ATP6V0A1: variants seen among roughly 807,000 people sequenced by gnomAD.
ATP6V0A1 encodes ATPase H+ transporting V0 subunit a1, also known as V-type proton ATPase 116 kDa subunit a 1.
In ATP6V0A1, 43 loss-of-function variants were observed where a neutral mutation model predicts 105.4. That is an observed-to-expected ratio of 0.41 (90% CI 0.32 to 0.53). The LOEUF (loss-of-function observed/expected upper bound fraction) is 0.53, where lower values mean the gene tolerates loss of function less well. Among genes scored for constraint, ATP6V0A1 ranks in the 20% least tolerant of loss-of-function variants. The probability of loss-of-function intolerance (pLI) is 0.30; values close to 1 mark genes in which losing one functional copy is unlikely to be tolerated. For missense variants in ATP6V0A1, 676 were observed against 1,051.1 expected, an observed-to-expected ratio of 0.64 and a Z score of 4.93; for synonymous variants, 362 against 372.8, an observed-to-expected ratio of 0.97 and a Z score of 0.33.
rs66530674 is a variant in ATP6V0A1, at chr17:42,517,304, AC to A, written c.2420+2845del. Among the ~76,000 whole-genome samples the A allele has an allele frequency of 8.9e-3, 1,345 of 151,694 alleles. 28 individuals are homozygous for A. The highest frequency in any genetic ancestry group is 0.031 in the African/African-American group (1,272 of 41,254). ...CAAAACAACAACAACAACAACAACA[AC>A]AAAAAAACCTGGGATGCCCTAGAGA... On this transcript the variant is annotated intron_variant, in intron 21 of 21. Transcript: ENST00000343619.
In ATP6V0A1 at chr17:42,495,692, A is replaced by G. The variant is rs374300373; in HGVS notation, c.1536A>G (p.Gly512=). 1.9e-6 allele frequency: 3 copies of G among 1,614,000 alleles called. No individual in the cohort carries two copies. The highest frequency in any genetic ancestry group is 8.5e-7 in the Non-Finnish European group (1 of 1,179,864). ...LNPALPGVFG[G]PYPFGIDPIW... ...CAGCCCTCCCTGGAGTGTTTGGTGGACCATACCCTTTTGGCATTGATCCAG... is the reference window on the plus strand; with the variant it reads ...CAGCCCTCCCTGGAGTGTTTGGTGGGCCATACCCTTTTGGCATTGATCCAG... Residue 512 remains glycine, a synonymous_variant, in exon 14 of 22, where the codon GGA becomes GGG. Coordinates refer to ENST00000343619, the MANE Select transcript of ATP6V0A1 (RefSeq NM_001130021.3).
intron 8 of ATP6V0A1, among the ~76,000 whole-genome samples, chr17:42,481,736 A>G: frequency 6.6e-6 from 1 of 152,236 alleles, no homozygotes; most frequent in Non-Finnish European, 1.5e-5. Flanking sequence ...GGGGAAAAAT[A>G]ACTCTTAAGG....
At position 42,468,083 on chromosome 17, in the gene ATP6V0A1, C is replaced by A; in HGVS notation, c.270C>A (p.Phe90Leu). 3.1e-6 allele frequency: 5 copies of A among 1,596,858 alleles called. No homozygotes were observed. Among genetic ancestry groups the A allele is most frequent in the Non-Finnish European group, 4.3e-6 (5 of 1,170,786 alleles). Residue 90 changes from phenylalanine (F) to leucine (L), a missense_variant, in exon 4 of 22, where the codon TTC becomes TTA. Coordinates refer to ENST00000343619, the MANE Select transcript of ATP6V0A1 (RefSeq NM_001130021.3). ...CCGGTGAAAACCCAGAGGTTCCCTT[C>A]CCCCGGGACATGATTGACTTAGAGG... ...MDTGENPEVPFPRDMIDLEAN... is the reference protein window; with the variant it reads ...MDTGENPEVPLPRDMIDLEAN...
At chr17:42,465,999 ATGAATAAAC>A (rs2087010106) in intron 2 of ATP6V0A1, among the ~76,000 whole-genome samples, 1 of 152,188 alleles carries the variant, frequency 6.6e-6, no homozygotes, top group Non-Finnish European at 1.5e-5. Flanking sequence ...TGGTGTATGA[ATGAATAAAC>A]TAAAGCCTGT....
chr17:42,477,764 C>T (rs775183066), intron 6 of ATP6V0A1, 22 bp downstream of exon 6: 36 of 1,582,488 alleles, frequency 2.3e-5, no homozygotes, highest in South Asian at 1.3e-4. Flanking sequence ...GTCAACTTTT[C>T]GGTATTCAGT....
At position 42,513,852 on chromosome 17, in the gene ATP6V0A1, C is replaced by A; in HGVS notation, c.2131-9C>A. ...CTTATATCTTCTCTCTGGTTTCCTC[C>A]CACGACAGTTTGACTTTGGGGACAC... On this transcript the variant is annotated splice_polypyrimidine_tract_variant and intron_variant, in intron 19 of 21. Transcript: ENST00000343619. The A allele has an allele frequency of 6.2e-7, 1 of 1,611,660 alleles. No homozygotes were observed. Among genetic ancestry groups the A allele is most frequent in the Non-Finnish European group, 8.5e-7 (1 of 1,177,754 alleles).
At chr17:42,491,595 T>C (rs2090632225) in intron 11 of ATP6V0A1, among the ~76,000 whole-genome samples, 1 of 152,210 alleles carries the variant, frequency 6.6e-6, no homozygotes. Flanking sequence ...GCGATTCTCC[T>C]GCCTCAGCCT....
At chr17:42,478,665 C>A in intron 7 of ATP6V0A1, 76 bp downstream of exon 7, 1 of 1,402,884 alleles carries the variant, frequency 7.1e-7, no homozygotes. Context: ...CATGGGGCCA[C>A]CTGAATCCAG....
At chr17:42,519,439 C>G (rs1437996327) in intron 21 of ATP6V0A1, 1 of 152,272 alleles carries the variant, frequency 6.6e-6, no homozygotes, top group Non-Finnish European at 1.5e-5. Flanking sequence ...GACTTGTCCA[C>G]TCTCTGGCTA....
intron 10 of ATP6V0A1, 87 bp from the exon 11 acceptor site, chr17:42,490,400 A>G: frequency 1.7e-6 from 2 of 1,190,754 alleles, no homozygotes; most frequent in Non-Finnish European, 2.3e-6. Flanking sequence ...GTACCATTTG[A>G]TGAGTTTCAA....
intron 11 of ATP6V0A1, among the ~76,000 whole-genome samples, chr17:42,491,777 C>T (rs2090658160): frequency 6.6e-6 from 1 of 152,154 alleles, no homozygotes; most frequent in African/African-American, 2.4e-5. Flanking sequence ...GCCACTGCGC[C>T]CGGCCATTTT....
intron 21 of ATP6V0A1, chr17:42,519,410 T>C (rs2092749971): frequency 6.6e-6 from 1 of 152,246 alleles, no homozygotes; most frequent in East Asian, 1.9e-4. Context: ...TCCTAGGTAA[T>C]GGCCTGGGAC....
chr17:42,520,189 C>T, intron 21 of ATP6V0A1: 1 of 341,924 alleles, frequency 2.9e-6, no homozygotes, highest in South Asian at 2.3e-5. Context: ...GAAACTATTC[C>T]TCAGGGCAGC....
intron 9 of ATP6V0A1, among the ~76,000 whole-genome samples, chr17:42,486,341 G>A (rs1430999462): frequency 6.6e-6 from 1 of 151,992 alleles, no homozygotes; most frequent in Non-Finnish European, 1.5e-5. Flanking sequence ...AACCCGGGAG[G>A]TGGAGGTTGT....
intron 13 of ATP6V0A1, 92 bp from the exon 14 acceptor site, chr17:42,495,534 G>T: frequency 1.0e-6 from 1 of 962,368 alleles, no homozygotes. Context: ...AGACAAGATA[G>T]CTACAGTAAT....
At chr17:42,495,243 G>A in intron 13 of ATP6V0A1, 55 bp downstream of exon 13, 1 of 1,568,868 alleles carries the variant, frequency 6.4e-7, no homozygotes, top group Non-Finnish European at 8.7e-7. Flanking sequence ...GTGCAGCCCT[G>A]ATTTTTAAGA....
chr17:42,469,173 A>G (rs1339393201), intron 4 of ATP6V0A1, among the ~76,000 whole-genome samples: 1 of 152,018 alleles, frequency 6.6e-6, no homozygotes, highest in African/African-American at 2.4e-5. Flanking sequence ...TAATCTTGCA[A>G]TCTTGCAGAC....
At chr17:42,459,269 T>G (rs1270347530) in intron 1 of ATP6V0A1, 1 of 152,344 alleles carries the variant, frequency 6.6e-6, no homozygotes, top group Non-Finnish European at 1.5e-5. Flanking sequence ...GGTTTTCCTC[T>G]CCTTTTTTCC....
At chr17:42,482,895 CAAAAAA>C (rs71359573) in intron 8 of ATP6V0A1, 137 bp from the exon 9 acceptor site, 7 of 140,250 alleles carry the variant, frequency 5.0e-5, no homozygotes, top group East Asian at 1.1e-4. Context: ...AACTCTGTCT[CAAAAAA>C]AAAAAAAAAA....
Sources: allele counts gnomAD v4.1 joint callset (sites outside exome capture counted in the v4.1 genomes callset), GRCh38; gene constraint gnomAD v4.1.1; transcripts MANE v1.5; gene names NCBI Gene and HGNC (gene_info 2026-07-23, HGNC 2026-07-21).